Variants in ZDHHC13 observed in about 807,000 individuals in gnomAD.
ZDHHC13 encodes palmitoyltransferase ZDHHC13.
Under a neutral mutation model 86.0 loss-of-function variants are expected in ZDHHC13, and 85 were observed. The observed-to-expected ratio is 0.99, with a 90% confidence interval of 0.83 to 1.18. The LOEUF is 1.18. Ranked by LOEUF, ZDHHC13 falls within the 50% of genes most tolerant of loss-of-function variation. The probability of loss-of-function intolerance (pLI) is 0.00; values close to 1 mark genes in which losing one functional copy is unlikely to be tolerated. For synonymous variants in ZDHHC13, 263 were observed against 246.4 expected, an observed-to-expected ratio of 1.07 and a Z score of -0.63; for missense variants, 711 against 730.2, an observed-to-expected ratio of 0.97 and a Z score of 0.30.
intron 15 of ZDHHC13, among the ~76,000 whole-genome samples, chr11:19,171,985 C>G (rs1319362670): frequency 6.6e-6 from 1 of 152,184 alleles, no homozygotes; most frequent in Non-Finnish European, 1.5e-5. Context: ...GAGTCAGTCC[C>G]AGCTCTCCCA....
intron 10 of ZDHHC13, among the ~76,000 whole-genome samples, chr11:19,160,855 A>T (rs769295563): frequency 6.6e-6 from 1 of 151,810 alleles, no homozygotes; most frequent in Non-Finnish European, 1.5e-5. Flanking sequence ...GCTATTCGTT[A>T]GTGGGTCGTG....
intron 15 of ZDHHC13, among the ~76,000 whole-genome samples, chr11:19,171,465 G>A (rs1850218931): frequency 6.6e-6 from 1 of 152,096 alleles, no homozygotes; most frequent in South Asian, 2.1e-4. Context: ...GAAGGAGGAA[G>A]GGAGGGAAAA....
At position 19,151,957 on chromosome 11, in the gene ZDHHC13, A is replaced by AG. The variant is rs151059175; in HGVS notation, c.585-200dup. Among the ~76,000 whole-genome samples, 1,043 of 152,272 alleles carry AG rather than the reference A, an allele frequency of 6.8e-3. 9 individuals are homozygous for AG. The highest frequency in any genetic ancestry group is 0.024 in the African/African-American group (985 of 41,586). On this transcript the variant is annotated intron_variant, in intron 6 of 16. Transcript: ENST00000446113. Reference sequence around the variant, plus strand: ...TGTTAAAATTATCTATCTGTATAGCAGTCGTCATTTAATAGATGTCTTTTT... The same window carrying AG: ...TGTTAAAATTATCTATCTGTATAGCAGGTCGTCATTTAATAGATGTCTTTTT...
intron 1 of ZDHHC13, among the ~76,000 whole-genome samples, chr11:19,119,636 C>A (rs1319386592): frequency 6.6e-6 from 1 of 152,228 alleles, no homozygotes; most frequent in Non-Finnish European, 1.5e-5. Context: ...TCCCTGGCCT[C>A]CTTCCTTGCT....
chr11:19,170,161 C>A, intron 14 of ZDHHC13: 2 of 1,289,866 alleles, frequency 1.6e-6, no homozygotes, highest in South Asian at 2.2e-5. Flanking sequence ...TTTTACGGAC[C>A]CTTTTTCTTT....
intron 1 of ZDHHC13, among the ~76,000 whole-genome samples, chr11:19,133,214 T>C (rs918356443): frequency 6.6e-6 from 1 of 152,126 alleles, no homozygotes; most frequent in African/African-American, 2.4e-5. Flanking sequence ...TACCAAGTAT[T>C]AGTAAGGATT....
chr11:19,130,989 G>A (rs1458661104), intron 1 of ZDHHC13, among the ~76,000 whole-genome samples: 1 of 151,906 alleles, frequency 6.6e-6, no homozygotes, highest in Non-Finnish European at 1.5e-5. Context: ...GGGACCACAG[G>A]TGCGTGCCAC....
chr11:19,142,918 T>C (rs974844633), intron 1 of ZDHHC13, 60 bp from the exon 2 acceptor site: 1 of 1,475,892 alleles, frequency 6.8e-7, no homozygotes, highest in Admixed American at 2.4e-5. Flanking sequence ...AATGCTTCAT[T>C]ATGTAATTGA....
chr11:19,146,402 C>T (rs1408164166), intron 3 of ZDHHC13, 99 bp downstream of exon 3: 5 of 1,356,110 alleles, frequency 3.7e-6, no homozygotes, highest in Admixed American at 3.2e-5. Context: ...ATGTGTAATC[C>T]TCGTGTAAAA....
At position 19,147,652 on chromosome 11, in the gene ZDHHC13, C is replaced by T. The variant is rs1207232239; in HGVS notation, c.353C>T (p.Thr118Ile). ...CAGTTGGGTGGAGATTTAAATTCAA[C>T]TCCTCTTCACTGGGCCATCCGGTAA... ...VDQLGGDLNS[T>I]PLHWAIRQGH... Residue 118 changes from threonine to isoleucine, a missense_variant, in exon 4 of 17, where the codon ACT becomes ATT. Physicochemically the swap from Thr to Ile is moderately conservative, Grantham distance 89. Coordinates refer to ENST00000446113, the MANE Select transcript of ZDHHC13 (RefSeq NM_019028.3). 2.5e-6 allele frequency: 4 copies of T among 1,601,104 alleles called. No individual in the cohort carries two copies. The highest frequency in any genetic ancestry group is 1.7e-5 in the Admixed American group (1 of 58,570).
intron 8 of ZDHHC13, among the ~76,000 whole-genome samples, chr11:19,153,164 A>C (rs1849660038): frequency 6.6e-6 from 1 of 152,094 alleles, no homozygotes; most frequent in Non-Finnish European, 1.5e-5. Flanking sequence ...TCACTTCATA[A>C]AAGAAAACAC....
chr11:19,135,969 G>T (rs1310357543), intron 1 of ZDHHC13, among the ~76,000 whole-genome samples: 1 of 152,162 alleles, frequency 6.6e-6, no homozygotes, highest in Non-Finnish European at 1.5e-5. Flanking sequence ...CACAAAGATG[G>T]GGAAAAAACA....
chr11:19,166,119 A>G (rs1850058289), intron 13 of ZDHHC13, among the ~76,000 whole-genome samples, 183 bp from the exon 14 acceptor site: 1 of 152,206 alleles, frequency 6.6e-6, no homozygotes, highest in Admixed American at 6.5e-5. Context: ...GTTAACATGG[A>G]CAATTGACTG....
intron 1 of ZDHHC13, among the ~76,000 whole-genome samples, chr11:19,128,761 A>G (rs2133368605): frequency 1.3e-5 from 2 of 152,304 alleles, no homozygotes; most frequent in Admixed American, 1.3e-4. Flanking sequence ...GGTAGGTGAA[A>G]GCTAGGTAAC....
chr11:19,122,830 G>A (rs1848784545), intron 1 of ZDHHC13, among the ~76,000 whole-genome samples: 1 of 152,130 alleles, frequency 6.6e-6, no homozygotes, highest in Non-Finnish European at 1.5e-5. Flanking sequence ...ACATTACCTA[G>A]TGGGTCACTG....
At chr11:19,169,345 A>G (rs1195600708) in intron 14 of ZDHHC13, 2 of 985,240 alleles carry the variant, frequency 2.0e-6, no homozygotes, top group Non-Finnish European at 2.4e-6. Context: ...CTTGATTGCT[A>G]CTCTGTGATG....
chr11:19,121,590 T>G (rs112973421), intron 1 of ZDHHC13, among the ~76,000 whole-genome samples: 21 of 152,238 alleles, frequency 1.4e-4, no homozygotes, highest in African/African-American at 5.1e-4. Context: ...AATGAATAAT[T>G]GATGAAAACT....
chr11:19,170,081 G>A, intron 14 of ZDHHC13: 1 of 1,104,514 alleles, frequency 9.1e-7, no homozygotes, highest in Non-Finnish European at 1.1e-6. Flanking sequence ...GAATAAGGTA[G>A]GGAGTGTTCT....
At position 19,152,047 on chromosome 11, in the gene ZDHHC13, T is replaced by C. The variant is rs1481067369; in HGVS notation, c.585-111T>C. ...AAAGAAGTTTCTCAGTTCTGAATACTTAACTGAATGGTTAATTGATGGCAT... is the reference window on the plus strand; with the variant it reads ...AAAGAAGTTTCTCAGTTCTGAATACCTAACTGAATGGTTAATTGATGGCAT... On this transcript the variant is annotated intron_variant, in intron 6 of 16. Coordinates refer to ENST00000446113, the MANE Select transcript of ZDHHC13 (RefSeq NM_019028.3). 14 of 1,183,420 alleles carry C rather than the reference T, an allele frequency of 1.2e-5. No homozygotes were observed. The East Asian group carries it at 3.1e-4, about 26-fold the overall frequency. 73.3% of individuals were successfully genotyped at this position (1,183,420 alleles called of 1,614,324 possible). A position where few individuals can be genotyped will look rare whatever the true frequency, so the allele number is the denominator to read the frequency against.
Sources: gnomAD v4.1 joint callset for allele counts (sites outside exome capture counted in the v4.1 genomes callset) on GRCh38, gnomAD v4.1.1 for gene constraint, MANE v1.5 for transcripts, NCBI Gene and HGNC (gene_info 2026-07-23, HGNC 2026-07-21) for gene names.